PDE2A: variants seen among roughly 807,000 people sequenced by gnomAD.
The protein encoded by PDE2A is cGMP-dependent 3',5'-cyclic phosphodiesterase.
In PDE2A, 53 loss-of-function variants were observed where a neutral mutation model predicts 133.6. The observed-to-expected ratio is 0.40, with a 90% confidence interval of 0.32 to 0.50. The LOEUF (loss-of-function observed/expected upper bound fraction) is 0.50. PDE2A is among the 20% of genes least tolerant of loss of function. PDE2A has a pLI of 0.73. For synonymous variants in PDE2A, 491 were observed against 490.2 expected, an observed-to-expected ratio of 1.00 and a Z score of -0.02; for missense variants, 796 against 1,232.4, an observed-to-expected ratio of 0.65 and a Z score of 5.30.
chr11:72,595,189 C>A (rs552049950), intron 6 of PDE2A, among the ~76,000 whole-genome samples: 21 of 152,292 alleles, frequency 1.4e-4, no homozygotes, highest in Non-Finnish European at 2.5e-4. Flanking sequence ...TCCTCATAGC[C>A]TCAATCTAAG....
chr11:72,644,587 C>T (rs1333985786), intron 1 of PDE2A, among the ~76,000 whole-genome samples: 4 of 152,168 alleles, frequency 2.6e-5, no homozygotes, highest in Non-Finnish European at 5.9e-5. Context: ...AGCCACTGGC[C>T]AGAGTTACTT....
chr11:72,607,337 G>GC (rs1327336260), intron 3 of PDE2A, among the ~76,000 whole-genome samples: 1 of 152,138 alleles, frequency 6.6e-6, no homozygotes, highest in African/African-American at 2.4e-5. Flanking sequence ...CCCTACGGCA[G>GC]CCTCAGTGGC....
At chr11:72,649,889 A>C (rs191477586) in intron 1 of PDE2A, among the ~76,000 whole-genome samples, 3 of 152,072 alleles carry the variant, frequency 2.0e-5, no homozygotes, top group Admixed American at 6.5e-5. Context: ...CAGCTCTAAC[A>C]ACCTTTCCAG....
chr11:72,619,618 T>A (rs1857648964), intron 2 of PDE2A, among the ~76,000 whole-genome samples: 1 of 152,216 alleles, frequency 6.6e-6, no homozygotes, highest in Admixed American at 6.5e-5. Context: ...AGGTCATTGA[T>A]GTCCATGTGA....
intron 2 of PDE2A, among the ~76,000 whole-genome samples, chr11:72,627,093 G>A (rs1439669763): frequency 2.6e-5 from 4 of 152,082 alleles, no homozygotes; most frequent in African/African-American, 9.7e-5. Context: ...CTCCAAGACC[G>A]CCCAACCCAA....
At chr11:72,629,734 G>A (rs533031070) in intron 2 of PDE2A, among the ~76,000 whole-genome samples, 35 of 152,270 alleles carry the variant, frequency 2.3e-4, no homozygotes, top group African/African-American at 8.2e-4. Context: ...GAAAGAGTGA[G>A]CCTCGAGCCT....
intron 20 of PDE2A, among the ~76,000 whole-genome samples, 172 bp downstream of exon 20, chr11:72,583,266 T>C (rs891661244): frequency 5.3e-5 from 8 of 152,144 alleles, no homozygotes; most frequent in African/African-American, 1.9e-4. Context: ...AGAAGCAGCT[T>C]GGAGGAGAGG....
Position 72,585,320 on chromosome 11 carries a change from G to A in PDE2A, c.1286+51C>T, listed in dbSNP as rs544157680. 8.1e-6 allele frequency: 12 copies of A among 1,476,560 alleles called. 2 individuals are homozygous for A. In the African/African-American group the frequency reaches 1.2e-4, roughly 15 times the overall value. The allele number at this position is 1,476,560 out of a possible 1,614,324, so 91.5% of individuals were successfully genotyped here. ...GTGGGGCAGGAAAGGAGATGATGGG[G>A]ACTGAAGGCCACAGCCTCTCTCGCC... is the stretch of plus-strand genomic sequence containing the variant. On this transcript the variant is annotated intron_variant, in intron 16 of 30. Transcript: ENST00000334456.
At chr11:72,594,497 G>A (rs974468780) in intron 6 of PDE2A, among the ~76,000 whole-genome samples, 3 of 152,164 alleles carry the variant, frequency 2.0e-5, no homozygotes, top group Non-Finnish European at 4.4e-5. Flanking sequence ...GGAAGGTGCA[G>A]GCTTAGAGGA....
At chr11:72,592,858 A>T (rs1042048169) in intron 6 of PDE2A, among the ~76,000 whole-genome samples, 1 of 152,040 alleles carries the variant, frequency 6.6e-6, no homozygotes, top group Non-Finnish European at 1.5e-5. Flanking sequence ...GATGAGGCTC[A>T]ATCTGTGACT....
chr11:72,576,404 G>C lies in PDE2A; in HGVS notation c.*980C>G, dbSNP rs955587316. The stretch of plus-strand genomic sequence containing the variant: ...GCACAGGTGGATATGGCCTTGAAGA[G>C]AGAGCCCTGCCAGGGCTGAGGCCAG... On this transcript the variant is annotated 3_prime_UTR_variant, in exon 31 of 31. Coordinates refer to ENST00000334456, the MANE Select transcript of PDE2A (RefSeq NM_002599.5). 2 of 152,356 alleles carry C rather than the reference G, an allele frequency of 1.3e-5. No individual in the cohort carries two copies. The highest frequency in any genetic ancestry group is 2.9e-5 in the Non-Finnish European group (2 of 68,128). The allele number at this position is 152,356 out of a possible 1,614,324, so 9.4% of individuals were successfully genotyped here. A position where few individuals can be genotyped will look rare whatever the true frequency, so the allele number is the denominator to read the frequency against.
intron 1 of PDE2A, chr11:72,643,652 C>T: frequency 6.6e-6 from 1 of 152,626 alleles, no homozygotes; most frequent in Non-Finnish European, 1.5e-5. Context: ...AGCCTCCCAG[C>T]CTCCCAGCCT....
At chr11:72,609,440 T>G (rs938049285) in intron 2 of PDE2A, among the ~76,000 whole-genome samples, 1 of 151,916 alleles carries the variant, frequency 6.6e-6, no homozygotes, top group Non-Finnish European at 1.5e-5. Context: ...GGGTTGAGAG[T>G]AGCAAGAGCC....
intron 2 of PDE2A, among the ~76,000 whole-genome samples, chr11:72,632,991 T>C (rs1309024919): frequency 6.6e-6 from 1 of 152,144 alleles, no homozygotes; most frequent in Non-Finnish European, 1.5e-5. Context: ...CCTGTGTTTA[T>C]CACCCTCCTA....
chr11:72,646,957 C>G (rs60431679), intron 1 of PDE2A, among the ~76,000 whole-genome samples: 48 of 152,190 alleles, frequency 3.2e-4, no homozygotes, highest in Non-Finnish European at 5.4e-4. Flanking sequence ...TGCCATCCAA[C>G]GAGAAGTAGC....
chr11:72,592,578 T>C (rs1298177709), intron 6 of PDE2A, among the ~76,000 whole-genome samples: 1 of 152,092 alleles, frequency 6.6e-6, no homozygotes, highest in African/African-American at 2.4e-5. Context: ...CAAGTAGACC[T>C]TGAAGAGACC....
At chr11:72,613,892 T>G (rs1453404336) in intron 2 of PDE2A, among the ~76,000 whole-genome samples, 1 of 152,070 alleles carries the variant, frequency 6.6e-6, no homozygotes, top group Non-Finnish European at 1.5e-5. Context: ...ACAGGGCCCT[T>G]CAAGAGCACA....
Position 72,605,182 on chromosome 11 carries a change from C to T in PDE2A, c.279G>A (p.Val93=), listed in dbSNP as rs766266091. Residue 93 remains valine, a synonymous_variant, in exon 4 of 31, where the codon GTG becomes GTA. Coordinates refer to ENST00000334456, the MANE Select transcript of PDE2A (RefSeq NM_002599.5). ...GCAGCTCATGTGGGGGGTCCTCACA[C>T]ACCAGCTGGGACTCACCATCCAGTA... ...TYLLDGESQL[V]CEDPPHELPQ... is the part of the protein sequence containing the mutation. The T allele has an allele frequency of 1.9e-6, 3 of 1,611,752 alleles. No individual in the cohort carries two copies. Among genetic ancestry groups the T allele is most frequent in the Admixed American group, 3.3e-5 (2 of 59,822 alleles).
intron 4 of PDE2A, chr11:72,599,137 G>A (rs952073786): frequency 5.7e-6 from 3 of 528,030 alleles, no homozygotes; most frequent in Non-Finnish European, 7.3e-6. Flanking sequence ...TGGTCAGTGC[G>A]CACTGCAGCC....
Sources: allele counts gnomAD v4.1 joint callset (sites outside exome capture counted in the v4.1 genomes callset), GRCh38; gene constraint gnomAD v4.1.1; transcripts MANE v1.5; gene names NCBI Gene and HGNC (gene_info 2026-07-23, HGNC 2026-07-21).